Variants in CCDC3 observed in about 807,000 individuals in gnomAD.
CCDC3 encodes the protein coiled-coil domain containing 3.
Under a neutral mutation model 21.4 loss-of-function variants are expected in CCDC3, and 24 were observed. The ratio of observed to expected loss-of-function variants is 1.12; its 90% CI spans 0.81 to 1.58. The LOEUF is 1.58. CCDC3 is among the 40% of genes most tolerant of loss of function. The pLI is 0.00. For synonymous variants in CCDC3, 186 were observed against 166.0 expected, an observed-to-expected ratio of 1.12 and a Z score of -0.93; for missense variants, 425 against 360.9, an observed-to-expected ratio of 1.18 and a Z score of -1.44.
intron 2 of CCDC3, among the ~76,000 whole-genome samples, chr10:12,959,885 G>A (rs756244837): frequency 7.2e-5 from 11 of 152,168 alleles, no homozygotes; most frequent in Non-Finnish European, 1.5e-4. Context: ...CAGACACAGT[G>A]GCTCACACCT....
At chr10:12,989,973 C>T (rs1835655773) in intron 2 of CCDC3, among the ~76,000 whole-genome samples, 2 of 151,858 alleles carry the variant, frequency 1.3e-5, no homozygotes, top group Non-Finnish European at 2.9e-5. Context: ...CTTCACTGGG[C>T]CGGGCACAGT....
At chr10:12,967,360 T>A (rs1835276778) in intron 2 of CCDC3, among the ~76,000 whole-genome samples, 1 of 152,146 alleles carries the variant, frequency 6.6e-6, no homozygotes, top group South Asian at 2.1e-4. Flanking sequence ...ATATGTGAAC[T>A]GCCTAAGAAT....
In CCDC3 at chr10:13,059,355, A is replaced by T. The variant is rs1420774547; in HGVS notation, c.-269-9414T>A. 3.3e-5 allele frequency among the ~76,000 whole-genome samples: 5 copies of T among 152,186 alleles called. No individual in the cohort carries two copies. In the East Asian group the frequency reaches 9.6e-4, roughly 29 times the overall value. On this transcript the variant is annotated intron_variant, in intron 4 of 6. Transcript: ENST00000378839. ...GAACACCTACTTTGGATATGAGATG[A>T]GAAGTAAGTTTTTACTGGTTAAGCA...
chr10:13,003,452 C>G (rs1397166612), upstream of CCDC3, among the ~76,000 whole-genome samples: 1 of 152,190 alleles, frequency 6.6e-6, no homozygotes, highest in Non-Finnish European at 1.5e-5. Context: ...AACTACAACA[C>G]TAGAATAGGG....
intron 3 of CCDC3, among the ~76,000 whole-genome samples, chr10:13,094,482 C>G (rs1832610018): frequency 6.6e-6 from 1 of 151,936 alleles, no homozygotes; most frequent in African/African-American, 2.4e-5. Flanking sequence ...GTCTTGATCT[C>G]TTGACCTCAT....
At chr10:13,089,912 C>T (rs949646718) in intron 3 of CCDC3, among the ~76,000 whole-genome samples, 14 of 150,078 alleles carry the variant, frequency 9.3e-5, no homozygotes, top group Non-Finnish European at 2.1e-4. Flanking sequence ...TGAGTGAGAA[C>T]ATACGATGTT....
At position 12,901,157 on chromosome 10, in the gene CCDC3, G is replaced by C. The variant is rs903568784; in HGVS notation, c.550-2478C>G. 9.2e-5 allele frequency among the ~76,000 whole-genome samples: 14 copies of C among 152,334 alleles called. No homozygotes were observed. The East Asian group carries it at 2.5e-3, about 27-fold the overall frequency. ...TGGGGTAGGCTACAGCCTTTGTTGA[G>C]ACTGGATCACAGGCTGATGTCTGCC... On this transcript the variant is annotated intron_variant, in intron 2 of 2. Transcript: ENST00000378825.
chr10:12,906,106 C>T (rs2131198460), intron 2 of CCDC3, among the ~76,000 whole-genome samples: 1 of 152,260 alleles, frequency 6.6e-6, no homozygotes, highest in East Asian at 1.9e-4. Flanking sequence ...GGGCAGAGAG[C>T]CACGTCCACG....
intron 5 of CCDC3, among the ~76,000 whole-genome samples, chr10:13,026,647 C>T (rs1836220108): frequency 6.6e-6 from 1 of 152,220 alleles, no homozygotes; most frequent in Non-Finnish European, 1.5e-5. Context: ...TCCACATTCT[C>T]AACTAATCCT....
chr10:13,036,849 G>A lies in CCDC3; in HGVS notation c.-2+12825C>T, dbSNP rs148167458. On this transcript the variant is annotated intron_variant, in intron 5 of 6. Transcript: ENST00000378839. Reference sequence around the variant, plus strand: ...GGCTGGAGTCAAATGGTGTGATCACGGCTCATTGCAGCCTCGACTTCCCAG... The same window carrying A: ...GGCTGGAGTCAAATGGTGTGATCACAGCTCATTGCAGCCTCGACTTCCCAG... Among the ~76,000 whole-genome samples the A allele has an allele frequency of 2.2e-4, 33 of 149,696 alleles. 1 individual carries two copies. In the East Asian group the frequency reaches 6.0e-3, roughly 27 times the overall value.
intron 5 of CCDC3, among the ~76,000 whole-genome samples, chr10:13,026,979 T>C (rs1374780259): frequency 6.6e-6 from 1 of 152,214 alleles, no homozygotes; most frequent in African/African-American, 2.4e-5. Context: ...TCCTTTCACA[T>C]ATCTTCATAA....
intron 2 of CCDC3, among the ~76,000 whole-genome samples, chr10:12,971,396 C>T (rs1053793235): frequency 7.2e-5 from 11 of 152,220 alleles, no homozygotes; most frequent in Admixed American, 5.9e-4. Flanking sequence ...CCTTAGATCT[C>T]TCACTCAGAG....
At chr10:12,982,757 C>T (rs1835519410) in intron 2 of CCDC3, among the ~76,000 whole-genome samples, 1 of 126,068 alleles carries the variant, frequency 7.9e-6, no homozygotes, top group African/African-American at 3.0e-5. Context: ...TGCACCATTG[C>T]ACTCCAGCCT....
chr10:13,073,577 C>G (rs1836913380), intron 4 of CCDC3, among the ~76,000 whole-genome samples: 2 of 152,036 alleles, frequency 1.3e-5, no homozygotes, highest in Admixed American at 1.3e-4. Context: ...CCCTCCTAGG[C>G]TCAAGCAATC....
chr10:13,005,147 A>G (rs1399782142), upstream of CCDC3, among the ~76,000 whole-genome samples: 1 of 152,226 alleles, frequency 6.6e-6, no homozygotes, highest in African/African-American at 2.4e-5. Context: ...TCAAAGTTCT[A>G]TCGACTGGGA....
At chr10:12,984,210 TAAA>T (rs1468951112) in intron 2 of CCDC3, among the ~76,000 whole-genome samples, 1 of 152,050 alleles carries the variant, frequency 6.6e-6, no homozygotes, top group Admixed American at 6.5e-5. Context: ...AACTCAACAA[TAAA>T]AAGACAACCT....
Position 13,001,594 on chromosome 10 carries a change from G to GGGC in CCDC3, c.-27_-25dup, listed in dbSNP as rs1835856649. 7 of 1,160,176 alleles carry GGGC rather than the reference G, an allele frequency of 6.0e-6. No homozygotes were observed. Among genetic ancestry groups the GGGC allele is most frequent in the East Asian group, 4.0e-5 (1 of 24,770 alleles). The allele number at this position is 1,160,176 out of a possible 1,614,324, so 71.9% of individuals were successfully genotyped here. ...ATGCCGGGCCCTCCCGGGGCGCACGGGGCGGCGGCGGGGAGCCCGGGGAGC... is the reference window on the plus strand; with the variant it reads ...ATGCCGGGCCCTCCCGGGGCGCACGGGGCGGCGGCGGCGGGGAGCCCGGGGAGC... On this transcript the variant is annotated 5_prime_UTR_variant, in exon 1 of 3. Coordinates refer to ENST00000378825, the MANE Select transcript of CCDC3 (RefSeq NM_031455.4).
chr10:12,996,077 C>A (rs1411098930), intron 2 of CCDC3, among the ~76,000 whole-genome samples: 1 of 152,154 alleles, frequency 6.6e-6, no homozygotes, highest in Non-Finnish European at 1.5e-5. Flanking sequence ...AAGGGCCAAG[C>A]CTAAAAAGCC....
intron 2 of CCDC3, among the ~76,000 whole-genome samples, chr10:12,971,442 T>C (rs1589026200): frequency 6.6e-6 from 1 of 152,142 alleles, no homozygotes; most frequent in African/African-American, 2.4e-5. Context: ...CAGATGGAGA[T>C]GCAGAAAAGA....
Sources: gnomAD v4.1 joint callset for allele counts (sites outside exome capture counted in the v4.1 genomes callset) on GRCh38, gnomAD v4.1.1 for gene constraint, MANE v1.5 for transcripts, NCBI Gene and HGNC (gene_info 2026-07-23, HGNC 2026-07-21) for gene names.